PRKX: variants seen among roughly 807,000 people sequenced by gnomAD.
PRKX encodes the protein protein kinase cAMP-dependent X-linked catalytic subunit.
In PRKX, 12 loss-of-function variants were observed where a neutral mutation model predicts 22.0. The observed-to-expected ratio is 0.54, with a 90% CI of 0.35 to 0.88. The LOEUF is 0.88. Ranked by LOEUF, PRKX falls within the 40% of genes least tolerant of loss-of-function variation. The pLI, the probability that PRKX is intolerant of heterozygous loss-of-function variation, is 0.01. For synonymous variants in PRKX, 134 were observed against 137.7 expected (o/e 0.97, Z 0.19); for missense variants, 217 against 308.0 (o/e 0.70, Z 2.21).
At chrX:3,689,364 A>G (rs1163616960) in intron 1 of PRKX, among the ~76,000 whole-genome samples, 1 of 112,580 alleles carries the variant, frequency 8.9e-6, no homozygotes, top group East Asian at 2.8e-4. Flanking sequence ...GACAGGAAAA[A>G]AAGCTGTTAA....
intron 1 of PRKX, among the ~76,000 whole-genome samples, chrX:3,689,806 T>A (rs1220779904): frequency 2.7e-5 from 3 of 111,242 alleles, no homozygotes; most frequent in Non-Finnish European, 5.7e-5. Flanking sequence ...TGAAACCCTG[T>A]CTCCACTAAA....
Position 3,608,225 on chromosome X carries a change from C to T in PRKX, c.*744G>A, listed in dbSNP as rs1801080211. The T allele has an allele frequency of 9.1e-6, 1 of 110,108 alleles. No homozygotes were observed. Among genetic ancestry groups the T allele is most frequent in the Non-Finnish European group, 1.9e-5 (1 of 52,827 alleles). 9.1% of individuals were successfully genotyped at this position (110,108 alleles called of 1,213,427 possible). On this transcript the variant is annotated 3_prime_UTR_variant, in exon 9 of 9. Transcript: ENST00000262848. ...GTGTCACAGAAGGTTTTTTTAAATA[C>T]AGTACATTCCTCCAACAACTTCAAT...
intron 5 of PRKX, among the ~76,000 whole-genome samples, chrX:3,623,761 A>G (rs1926606693): frequency 9.0e-6 from 1 of 110,944 alleles, no homozygotes; most frequent in Admixed American, 9.7e-5. Flanking sequence ...AAAATTCTAC[A>G]TTTTATTTAC....
chrX:3,651,133 CA>C (rs1232471945), intron 3 of PRKX, among the ~76,000 whole-genome samples: 1 of 107,598 alleles, frequency 9.3e-6, no homozygotes, highest in African/African-American at 3.4e-5. Context: ...AAAGCCCCCA[CA>C]AAAAAAAAGT....
chrX:3,615,853 A>G lies in PRKX; in HGVS notation c.913T>C (p.Ser305Pro), dbSNP rs778063938. Residue 305 changes from serine to proline, a missense_variant, in exon 7 of 9, where the codon TCC (serine) becomes CCC (proline). Physicochemically the swap from Ser to Pro is moderately conservative, Grantham distance 74 (BLOSUM62 -1). Transcript: ENST00000262848. ...NDVKHHRWFR[S>P]VDWEAVPQRK... ...TGCGGAACAGCTTCCCAGTCCACGG[A>G]GCGGAACCACCGATGATGCTTCACA... The G allele has an allele frequency of 8.3e-6, 10 of 1,208,161 alleles. No homozygotes were observed. Among genetic ancestry groups the G allele is most frequent in the Non-Finnish European group, 1.1e-5 (10 of 893,604 alleles).
intron 7 of PRKX, among the ~76,000 whole-genome samples, chrX:3,613,854 CAAAAAAAAAA>C (rs1205221732): frequency 5.1e-5 from 2 of 39,429 alleles, no homozygotes; most frequent in Non-Finnish European, 4.5e-5. Flanking sequence ...GACTCCATCT[CAAAAAAAAAA>C]AAAAAAAAAA....
In PRKX at chrX:3,713,644, CCG is replaced by C. The variant is rs1928843918; in HGVS notation, c.-393_-392del. 8.6e-6 allele frequency: 1 copy of C among 115,809 alleles called. No individual in the cohort carries two copies. Among genetic ancestry groups the C allele is most frequent in the Non-Finnish European group, 1.8e-5 (1 of 55,520 alleles). 9.5% of individuals were successfully genotyped at this position (115,809 alleles called of 1,213,427 possible). A position where few individuals can be genotyped will look rare whatever the true frequency, so the allele number is the denominator to read the frequency against. ...TGCGCGCTGTTGGGGCGGGCGGAAG[CCG>C]CCTGGGCGTGACCGCGCCTCTCCCC... On this transcript the variant is annotated 5_prime_UTR_variant, in exon 1 of 9. Transcript: ENST00000262848.
intron 6 of PRKX, among the ~76,000 whole-genome samples, chrX:3,619,377 G>A (rs1191491294): frequency 9.2e-6 from 1 of 109,100 alleles, no homozygotes; most frequent in Non-Finnish European, 1.9e-5. Flanking sequence ...TCACACATTG[G>A]GCAGTGGCCC....
At position 3,713,131 on chromosome X, in the gene PRKX, C is replaced by A; in HGVS notation, c.123G>T (p.Pro41=). The change falls in exon 1 of 9, where the codon CCG becomes CCT. Residue 41 remains proline (P), a synonymous_variant. Transcript: ENST00000262848. ...CPSPEALSPE[P]PVYSLQDFDT... ...CAAAGTCCTGCAGGCTGTACACAGG[C>A]GGCTCCGGCGACAGCGCCTCAGGGC... 1.7e-6 allele frequency: 2 copies of A among 1,155,773 alleles called. No individual in the cohort carries two copies. The highest frequency in any genetic ancestry group is 3.8e-5 in the South Asian group (2 of 52,339).
chrX:3,673,663 C>T (rs1248021581), intron 2 of PRKX, among the ~76,000 whole-genome samples: 9 of 110,397 alleles, frequency 8.2e-5, no homozygotes, highest in Non-Finnish European at 1.7e-4. Context: ...TGGAAGGCAC[C>T]CATGGAGGGA....
chrX:3,671,266 T>A (rs1458103289), intron 2 of PRKX, among the ~76,000 whole-genome samples: 1 of 109,904 alleles, frequency 9.1e-6, no homozygotes, highest in Non-Finnish European at 1.9e-5. Flanking sequence ...TTCTTTTTAA[T>A]TTTTTTTCTT....
At chrX:3,619,971 C>T (rs961077849) in intron 6 of PRKX, among the ~76,000 whole-genome samples, 2 of 111,772 alleles carry the variant, frequency 1.8e-5, no homozygotes, top group African/African-American at 6.5e-5. Flanking sequence ...TCCATGAATT[C>T]TGTCAAATTC....
chrX:3,675,487 A>C (rs1927934057), intron 1 of PRKX, among the ~76,000 whole-genome samples: 1 of 106,566 alleles, frequency 9.4e-6, no homozygotes, highest in Non-Finnish European at 1.9e-5. Flanking sequence ...CTCTTCCTCA[A>C]TCTTCTCCTC....
At chrX:3,648,657 T>TGTGTGTGTGTGTGA (rs1423032631) in intron 3 of PRKX, among the ~76,000 whole-genome samples, 1 of 101,684 alleles carries the variant, frequency 9.8e-6, no homozygotes, top group Non-Finnish European at 2.0e-5. Context: ...TGTGTGTGTG[T>TGTGTGTGTGTGTGA]GAAAGGGGTA....
At chrX:3,689,142 A>G (rs1362419283) in intron 1 of PRKX, among the ~76,000 whole-genome samples, 3 of 112,551 alleles carry the variant, frequency 2.7e-5, no homozygotes, top group African/African-American at 9.7e-5. Context: ...TGCATTAAAT[A>G]ATTGTTTCAA....
At chrX:3,662,320 C>T (rs1184860707) in intron 2 of PRKX, among the ~76,000 whole-genome samples, 4 of 110,676 alleles carry the variant, frequency 3.6e-5, no homozygotes, top group African/African-American at 9.9e-5. Context: ...CGGCACTTTG[C>T]GGGGCCAAGG....
At chrX:3,688,271 C>G (rs1928220471) in intron 1 of PRKX, among the ~76,000 whole-genome samples, 1 of 104,269 alleles carries the variant, frequency 9.6e-6, no homozygotes, top group Admixed American at 1.0e-4. Context: ...CATGGTGAAA[C>G]CCCATCTCTA....
intron 1 of PRKX, among the ~76,000 whole-genome samples, chrX:3,687,893 A>C (rs903530633): frequency 8.9e-6 from 1 of 112,053 alleles, no homozygotes. Context: ...ACTCCAAGAG[A>C]GGTGGCTACA....
intron 1 of PRKX, among the ~76,000 whole-genome samples, chrX:3,681,368 T>C (rs771527972): frequency 1.8e-5 from 2 of 108,117 alleles, no homozygotes; most frequent in Non-Finnish European, 3.8e-5. Flanking sequence ...AGAAAAGAAA[T>C]AGGCCGGGCA....
Sources: gnomAD v4.1 joint callset for allele counts (sites outside exome capture counted in the v4.1 genomes callset) on GRCh38, gnomAD v4.1.1 for gene constraint, MANE v1.5 for transcripts, NCBI Gene and HGNC (gene_info 2026-07-23, HGNC 2026-07-21) for gene names.